CNTNAP5: variants seen among roughly 807,000 people sequenced by gnomAD.
The protein encoded by CNTNAP5 is contactin-associated protein-like 5.
CNTNAP5 carries 72 observed loss-of-function variants against 150.2 expected under a neutral mutation model. That is an observed-to-expected ratio of 0.48 (90% CI 0.40 to 0.58). CNTNAP5 has a LOEUF of 0.58. Among genes scored for constraint, CNTNAP5 ranks in the 20% least tolerant of loss-of-function variants. The pLI is 0.00. For synonymous variants in CNTNAP5, 672 were observed against 619.8 expected (o/e 1.08, Z -1.25); for missense variants, 1,636 against 1,626.2 (o/e 1.01, Z -0.10).
chr2:124,679,685 C>T (rs1422925558), intron 13 of CNTNAP5, among the ~76,000 whole-genome samples: 1 of 151,622 alleles, frequency 6.6e-6, no homozygotes, highest in Non-Finnish European at 1.5e-5. Flanking sequence ...CCTCCCACCT[C>T]AGCCTCCTGA....
intron 1 of CNTNAP5, among the ~76,000 whole-genome samples, chr2:124,215,008 A>G (rs77231396): frequency 0.076 from 11,604 of 152,220 alleles, 615 homozygotes; most frequent in Non-Finnish European, 0.12. Flanking sequence ...CAGATTCAAG[A>G]GTAATATTAT....
intron 19 of CNTNAP5, among the ~76,000 whole-genome samples, chr2:124,835,119 G>A (rs2104685779): frequency 6.6e-6 from 1 of 152,188 alleles, no homozygotes; most frequent in East Asian, 1.9e-4. Context: ...AAATGCAAAT[G>A]TAATCAAACT....
At chr2:124,424,666 A>G (rs1308143830) in intron 4 of CNTNAP5, among the ~76,000 whole-genome samples, 1 of 152,206 alleles carries the variant, frequency 6.6e-6, no homozygotes, top group Non-Finnish European at 1.5e-5. Flanking sequence ...ACTTCTTTAT[A>G]ACTTTTCTGA....
chr2:124,178,661 T>G (rs1685126581), intron 1 of CNTNAP5, among the ~76,000 whole-genome samples: 1 of 152,214 alleles, frequency 6.6e-6, no homozygotes, highest in Non-Finnish European at 1.5e-5. Flanking sequence ...TCAGAGGTAG[T>G]GCTCATTCTC....
intron 10 of CNTNAP5, among the ~76,000 whole-genome samples, chr2:124,559,569 T>C (rs943578996): frequency 6.6e-6 from 1 of 152,196 alleles, no homozygotes; most frequent in Admixed American, 6.5e-5. Context: ...TGTGTTTATC[T>C]CCTAGCAATT....
intron 19 of CNTNAP5, among the ~76,000 whole-genome samples, chr2:124,844,971 C>G: frequency 6.6e-6 from 1 of 152,036 alleles, no homozygotes; most frequent in East Asian, 1.9e-4. Flanking sequence ...CCCTTTATTT[C>G]TTTCTCTTGT....
intron 1 of CNTNAP5, among the ~76,000 whole-genome samples, chr2:124,117,337 A>C (rs570115058): frequency 1.3e-5 from 2 of 152,228 alleles, no homozygotes; most frequent in Non-Finnish European, 2.9e-5. Flanking sequence ...CTTGTCTCTT[A>C]CTTGTCTCAC....
chr2:124,637,783 T>C (rs139844004), intron 12 of CNTNAP5, among the ~76,000 whole-genome samples: 1,848 of 152,286 alleles, frequency 0.012, 13 homozygotes, highest in Non-Finnish European at 0.021. Flanking sequence ...CATCTCCCCT[T>C]GTGTCGTTAT....
chr2:124,458,432 A>G (rs773559399), intron 6 of CNTNAP5, among the ~76,000 whole-genome samples: 5 of 151,572 alleles, frequency 3.3e-5, no homozygotes, highest in Non-Finnish European at 4.4e-5. Context: ...AAAACCAAAC[A>G]TCGTCTGTTC....
intron 1 of CNTNAP5, among the ~76,000 whole-genome samples, chr2:124,073,485 A>G (rs1682362125): frequency 6.6e-6 from 1 of 152,144 alleles, no homozygotes; most frequent in African/African-American, 2.4e-5. Context: ...AATAACCAGT[A>G]CATATAAGGA....
chr2:124,770,315 G>T (rs1681162512), intron 16 of CNTNAP5, among the ~76,000 whole-genome samples: 2 of 152,122 alleles, frequency 1.3e-5, no homozygotes, highest in South Asian at 4.1e-4. Context: ...TACAGCAGGG[G>T]GCTGCAGTTT....
At chr2:124,468,862 C>T (rs527534995) in intron 6 of CNTNAP5, among the ~76,000 whole-genome samples, 6 of 152,162 alleles carry the variant, frequency 3.9e-5, no homozygotes, top group Non-Finnish European at 8.8e-5. Flanking sequence ...ACTGTGGAAC[C>T]CCTCTAGCCT....
chr2:124,419,152 A>AAAAAAAAAAAACAAAAAAAAAAAAAAAAC (rs58348022), intron 4 of CNTNAP5, among the ~76,000 whole-genome samples: 1 of 120,996 alleles, frequency 8.3e-6, no homozygotes, highest in African/African-American at 2.8e-5. Flanking sequence ...AAAAAAAAAA[A>AAAAAAAAAAAACAAAAAAAAAAAAAAAAC]AAAAAAAAAA....
At position 124,226,841 on chromosome 2, in the gene CNTNAP5, A is replaced by G. The variant is rs555520103; in HGVS notation, c.187+5032A>G. On this transcript the variant is annotated intron_variant, in intron 2 of 23. Coordinates refer to ENST00000682447, the MANE Select transcript of CNTNAP5 (RefSeq NM_001367498.1). Reference sequence around the variant, plus strand: ...GAGACAGCCCAGGGCATCACATAGCAAGGTGCCTGAGTGCTCTAACATGGT... The same window carrying G: ...GAGACAGCCCAGGGCATCACATAGCGAGGTGCCTGAGTGCTCTAACATGGT... 5.3e-5 allele frequency among the ~76,000 whole-genome samples: 8 copies of G among 152,082 alleles called. No homozygotes were observed. In the South Asian group the frequency reaches 1.7e-3, roughly 31 times the overall value.
chr2:124,457,911 T>C (rs888237015), intron 6 of CNTNAP5, among the ~76,000 whole-genome samples: 2 of 151,902 alleles, frequency 1.3e-5, no homozygotes. Flanking sequence ...AATCAAAAAA[T>C]AGTAGATGTT....
intron 3 of CNTNAP5, among the ~76,000 whole-genome samples, chr2:124,345,638 A>G (rs1389712780): frequency 6.6e-6 from 1 of 152,164 alleles, no homozygotes; most frequent in Non-Finnish European, 1.5e-5. Context: ...AGTATCCATT[A>G]TTTTTCAAAA....
At chr2:124,865,745 A>C (rs1391815497) in intron 20 of CNTNAP5, among the ~76,000 whole-genome samples, 1 of 152,060 alleles carries the variant, frequency 6.6e-6, no homozygotes, top group African/African-American at 2.4e-5. Context: ...GGAGTTCGAG[A>C]CCAGCCTGGC....
intron 3 of CNTNAP5, among the ~76,000 whole-genome samples, chr2:124,346,226 C>G (rs1022358654): frequency 2.0e-5 from 3 of 152,148 alleles, no homozygotes; most frequent in Non-Finnish European, 4.4e-5. Context: ...AAAAGGGTAA[C>G]TGCATAACAC....
At chr2:124,170,028 G>A (rs1306299175) in intron 1 of CNTNAP5, among the ~76,000 whole-genome samples, 1 of 152,226 alleles carries the variant, frequency 6.6e-6, no homozygotes, top group South Asian at 2.1e-4. Context: ...AAACCAAACA[G>A]ACTCAACTGT....
Sources: allele counts gnomAD v4.1 joint callset (sites outside exome capture counted in the v4.1 genomes callset), GRCh38; gene constraint gnomAD v4.1.1; transcripts MANE v1.5; gene names NCBI Gene and HGNC (gene_info 2026-07-23, HGNC 2026-07-21).